The following TFEC variants were observed in gnomAD, a reference collection of about 807,000 sequenced individuals.
TFEC encodes the protein transcription factor EC, also known as class E basic helix-loop-helix protein 34.
A neutral mutation model predicts 41.6 loss-of-function variants in TFEC; 31 were observed. That is an observed-to-expected ratio of 0.74 (90% CI 0.56 to 1.01). TFEC has a LOEUF of 1.01. Ranked by LOEUF, TFEC falls within the 50% of genes least tolerant of loss-of-function variation. The pLI is 0.00. For synonymous variants in TFEC, 143 were observed against 140.6 expected, an observed-to-expected ratio of 1.02 and a Z score of -0.12; for missense variants, 402 against 404.1, an observed-to-expected ratio of 0.99 and a Z score of 0.04.
intron 1 of TFEC, among the ~76,000 whole-genome samples, chr7:115,995,217 G>T (rs1794309946): frequency 9.5e-6 from 1 of 105,078 alleles, no homozygotes; most frequent in Admixed American, 1.2e-4. Flanking sequence ...AGGGGGGAGG[G>T]ATAGCATTAG....
intron 1 of TFEC, among the ~76,000 whole-genome samples, chr7:116,126,862 CA>C (rs1798221133): frequency 1.3e-5 from 2 of 152,046 alleles, no homozygotes; most frequent in Admixed American, 1.3e-4. Flanking sequence ...CCTGGGTACA[CA>C]AAACAACCTG....
chr7:116,009,529 T>A (rs1794921793), intron 1 of TFEC, among the ~76,000 whole-genome samples: 1 of 152,080 alleles, frequency 6.6e-6, no homozygotes, highest in Non-Finnish European at 1.5e-5. Flanking sequence ...GGAGATATAA[T>A]GAAACAAAAC....
At chr7:115,957,856 A>T (rs1030809554) in intron 3 of TFEC, among the ~76,000 whole-genome samples, 2 of 151,936 alleles carry the variant, frequency 1.3e-5, no homozygotes, top group African/African-American at 4.8e-5. Flanking sequence ...AAAATCAGAC[A>T]GGAAGTAAAT....
chr7:116,062,564 T>TATATATA (rs1317564051), intron 3 of TFEC, among the ~76,000 whole-genome samples: 1 of 38,056 alleles, frequency 2.6e-5, no homozygotes, highest in Non-Finnish European at 4.9e-5. Context: ...AGTACTCATA[T>TATATATA]ATATATATAT....
At chr7:116,150,751 A>C (rs1396464557) in intron 1 of TFEC, among the ~76,000 whole-genome samples, 7 of 152,172 alleles carry the variant, frequency 4.6e-5, no homozygotes, top group Non-Finnish European at 7.4e-5. Flanking sequence ...CTAACACTTA[A>C]AAATTCATAA....
intron 2 of TFEC, among the ~76,000 whole-genome samples, chr7:115,976,052 A>G (rs1584622647): frequency 6.6e-6 from 1 of 152,226 alleles, no homozygotes; most frequent in African/African-American, 2.4e-5. Context: ...ACATGCCCTC[A>G]TATGACTACT....
chr7:115,965,028 T>C (rs1204703301), intron 3 of TFEC, among the ~76,000 whole-genome samples: 3 of 151,620 alleles, frequency 2.0e-5, no homozygotes, highest in African/African-American at 7.2e-5. Flanking sequence ...ACTGTAGAAA[T>C]GACAGTAACA....
At chr7:116,084,771 G>A (rs917188485) in intron 3 of TFEC, among the ~76,000 whole-genome samples, 25 of 151,788 alleles carry the variant, frequency 1.6e-4, no homozygotes, top group Middle Eastern at 3.4e-3. Flanking sequence ...GTTTTTCTAT[G>A]TATTTCAGTT....
intron 3 of TFEC, among the ~76,000 whole-genome samples, chr7:116,051,885 A>G (rs1796320860): frequency 6.6e-6 from 1 of 152,080 alleles, no homozygotes; most frequent in Admixed American, 6.6e-5. Context: ...TTAGGTAAGT[A>G]ACTTTTAGTG....
At chr7:116,023,286 G>GA (rs1795468045) in intron 1 of TFEC, among the ~76,000 whole-genome samples, 1 of 152,080 alleles carries the variant, frequency 6.6e-6, no homozygotes, top group Non-Finnish European at 1.5e-5. Flanking sequence ...CAAAATATCT[G>GA]AAAGATAAGA....
chr7:116,035,956 C>T (rs897747229), intron 3 of TFEC, among the ~76,000 whole-genome samples: 3 of 151,672 alleles, frequency 2.0e-5, no homozygotes, highest in Non-Finnish European at 4.4e-5. Context: ...GTAATCCACA[C>T]AGTGGAGAAA....
intron 1 of TFEC, among the ~76,000 whole-genome samples, chr7:115,995,388 C>CAT (rs899855135): frequency 1.9e-4 from 29 of 151,646 alleles, no homozygotes; most frequent in Admixed American, 1.1e-3. Context: ...ACTATGTATG[C>CAT]ATATATATAT....
chr7:116,048,889 G>T (rs138358939), intron 3 of TFEC, among the ~76,000 whole-genome samples: 27,232 of 152,106 alleles, frequency 0.18, 2,481 homozygotes, highest in East Asian at 0.32. Context: ...CTAAGCTTCA[G>T]AAGTGAAAGA....
chr7:115,988,640 A>G (rs764026269), intron 1 of TFEC, among the ~76,000 whole-genome samples: 1 of 152,074 alleles, frequency 6.6e-6, no homozygotes, highest in Non-Finnish European at 1.5e-5. Context: ...AGAGAAAGGG[A>G]GAAAGAAACA....
chr7:116,158,013 C>T (rs1223830314), intron 1 of TFEC, among the ~76,000 whole-genome samples: 9 of 152,080 alleles, frequency 5.9e-5, no homozygotes, highest in Non-Finnish European at 1.2e-4. Context: ...TTTAATATTT[C>T]GGAGCCACAA....
intron 1 of TFEC, among the ~76,000 whole-genome samples, chr7:116,143,454 T>C (rs1365339550): frequency 1.3e-5 from 2 of 152,050 alleles, no homozygotes; most frequent in East Asian, 1.9e-4. Flanking sequence ...GGTTAATAAT[T>C]CTCATTCCAG....
chr7:116,112,144 G>A, intron 1 of TFEC: 13 of 431,290 alleles, frequency 3.0e-5, no homozygotes, highest in Non-Finnish European at 4.0e-5. Flanking sequence ...ACATACATTG[G>A]ATGTTCAATG....
In TFEC at chr7:115,954,671, T is replaced by G. The variant is rs768029714; in HGVS notation, c.383-29A>C. 7 of 1,589,918 alleles carry G rather than the reference T, an allele frequency of 4.4e-6. No individual in the cohort carries two copies. The South Asian group carries it at 7.9e-5, about 18-fold the overall frequency. Reference sequence around the variant, plus strand: ...ATCAAAAGAAAAATAATAAAAACCATGCTTAGTTCTACCTTAAAACCCCTC... The same window carrying G: ...ATCAAAAGAAAAATAATAAAAACCAGGCTTAGTTCTACCTTAAAACCCCTC... On this transcript the variant is annotated intron_variant, in intron 4 of 7. Coordinates refer to ENST00000265440, the MANE Select transcript of TFEC (RefSeq NM_012252.4).
chr7:116,144,936 ATCTC>A (rs1025692255), intron 1 of TFEC, among the ~76,000 whole-genome samples: 3 of 151,996 alleles, frequency 2.0e-5, no homozygotes, highest in Non-Finnish European at 2.9e-5. Context: ...CTCTCTCCCT[ATCTC>A]TCTCTCTTTC....
Sources: allele counts gnomAD v4.1 joint callset (sites outside exome capture counted in the v4.1 genomes callset), GRCh38; gene constraint gnomAD v4.1.1; transcripts MANE v1.5; gene names NCBI Gene and HGNC (gene_info 2026-07-23, HGNC 2026-07-21).